PARP4: variants seen among roughly 807,000 people sequenced by gnomAD.
PARP4 encodes protein mono-ADP-ribosyltransferase PARP4.
A neutral mutation model predicts 187.7 loss-of-function variants in PARP4; 120 were observed. The observed-to-expected ratio is 0.64, with a 90% CI of 0.55 to 0.74. The LOEUF is 0.74. Among genes scored for constraint, PARP4 ranks in the 30% least tolerant of loss-of-function variants. PARP4 has a pLI of 0.00. For synonymous variants in PARP4, 654 were observed against 740.9 expected (o/e 0.88, Z 1.90); for missense variants, 1,836 against 2,070.5 (o/e 0.89, Z 2.20).
At chr13:24,511,797 G>A (rs1027099960) in intron 1 of PARP4, among the ~76,000 whole-genome samples, 1 of 152,164 alleles carries the variant, frequency 6.6e-6, no homozygotes, top group African/African-American at 2.4e-5. Flanking sequence ...TTAAAGCCCA[G>A]GATTACAGAA....
At chr13:24,446,288 G>A (rs1354190881) in intron 27 of PARP4, among the ~76,000 whole-genome samples, 1 of 152,156 alleles carries the variant, frequency 6.6e-6, no homozygotes, top group Admixed American at 6.5e-5. Context: ...CCCAGATGAA[G>A]AAGTGCTGCA....
chr13:24,501,231 T>C (rs1054888444), intron 3 of PARP4, among the ~76,000 whole-genome samples: 2 of 152,254 alleles, frequency 1.3e-5, no homozygotes, highest in Admixed American at 6.5e-5. Flanking sequence ...TCTTGGCTTA[T>C]AAAGAAAATA....
chr13:24,472,744 C>G (rs1011690567), intron 15 of PARP4, among the ~76,000 whole-genome samples: 1 of 152,122 alleles, frequency 6.6e-6, no homozygotes, highest in Non-Finnish European at 1.5e-5. Context: ...TGGCTGCGGC[C>G]CCAGCACCCG....
intron 33 of PARP4, among the ~76,000 whole-genome samples, chr13:24,426,248 A>C (rs1045640646): frequency 6.6e-6 from 1 of 152,062 alleles, no homozygotes; most frequent in African/African-American, 2.4e-5. Flanking sequence ...AGCTGCACTG[A>C]AACTCTTTGA....
At chr13:24,453,433 T>A (rs553790821) in intron 23 of PARP4, among the ~76,000 whole-genome samples, 154 bp downstream of exon 23, 1 of 152,216 alleles carries the variant, frequency 6.6e-6, no homozygotes, top group East Asian at 1.9e-4. Flanking sequence ...TAATGAGTTA[T>A]CATTTTAATT....
chr13:24,447,305 C>T (rs2137461989), intron 25 of PARP4, 119 bp from the exon 26 acceptor site: 1 of 572,284 alleles, frequency 1.7e-6, no homozygotes, highest in Non-Finnish European at 2.8e-6. Flanking sequence ...GGTATTTTCT[C>T]TCCTTCCTGC....
intron 17 of PARP4, among the ~76,000 whole-genome samples, chr13:24,468,400 C>CTTTT (rs140804702): frequency 2.5e-5 from 3 of 121,266 alleles, no homozygotes; most frequent in Admixed American, 8.7e-5. Flanking sequence ...TATCACACTC[C>CTTTT]TTTTTTTTTT....
rs1301998313 is a variant in PARP4 at position 24,465,505 on chromosome 13, C to A, written c.2133+3519G>T. On this transcript the variant is annotated intron_variant, in intron 17 of 33. Transcript: ENST00000381989. ...ATGAAGCTGGAAGCCATTATCCTCACAAACTAACACAGGAACAGAAAACTG... is the reference window on the plus strand; with the variant it reads ...ATGAAGCTGGAAGCCATTATCCTCAAAAACTAACACAGGAACAGAAAACTG... Among the ~76,000 whole-genome samples, 4 of 152,182 alleles carry A rather than the reference C, an allele frequency of 2.6e-5. No individual in the cohort carries two copies. In the East Asian group the frequency reaches 7.7e-4, roughly 29 times the overall value.
chr13:24,452,549 G>C lies in PARP4; in HGVS notation c.2871C>G (p.Leu957=), dbSNP rs1203169824. Residue 957 remains leucine, a synonymous_variant, in exon 24 of 34, where the codon CTC becomes CTG. Coordinates refer to ENST00000381989, the MANE Select transcript of PARP4 (RefSeq NM_006437.4). ...TMGNTDFWKT[L]RYLSLLYPAR... ...CAGGGTACAATAAGCTAAGATATCG[G>C]AGTGTTTTCCAGAAGTCTGTGTTCC... 5 of 1,613,970 alleles carry C rather than the reference G, an allele frequency of 3.1e-6. No individual in the cohort carries two copies. The highest frequency in any genetic ancestry group is 1.3e-5 in the African/African-American group (1 of 74,928).
intron 1 of PARP4, among the ~76,000 whole-genome samples, chr13:24,505,512 G>C (rs1197148057): frequency 6.6e-6 from 1 of 151,960 alleles, no homozygotes; most frequent in Non-Finnish European, 1.5e-5. Context: ...GCGGTCAAGT[G>C]GTTAGGAAGG....
chr13:24,484,554 A>C lies in PARP4; in HGVS notation c.1448+99T>G, dbSNP rs1331876152. On this transcript the variant is annotated intron_variant, in intron 12 of 33. Coordinates refer to ENST00000381989, the MANE Select transcript of PARP4 (RefSeq NM_006437.4). ...CATTGAGGTCATATATAATAGATAA[A>C]TCTGTGTTTTGGTTGAGAAACTCCC... The C allele has an allele frequency of 1.7e-5, 13 of 769,808 alleles. No homozygotes were observed. In the South Asian group the frequency reaches 2.0e-4, roughly 12 times the overall value. 47.7% of individuals were successfully genotyped at this position (769,808 alleles called of 1,614,324 possible).
intron 14 of PARP4, among the ~76,000 whole-genome samples, chr13:24,476,061 A>G (rs1203548916): frequency 4.6e-5 from 7 of 151,884 alleles, no homozygotes; most frequent in African/African-American, 1.7e-4. Context: ...TGCTGGGACT[A>G]TGGGCGTGAG....
At position 24,469,952 on chromosome 13, in the gene PARP4, T is replaced by A; in HGVS notation, c.1988A>T (p.Asp663Val). 6.2e-7 allele frequency: 1 copy of A among 1,613,912 alleles called. No individual in the cohort carries two copies. The highest frequency in any genetic ancestry group is 8.5e-7 in the Non-Finnish European group (1 of 1,179,830). The change falls in exon 16 of 34, where the codon GAC becomes GTC. Residue 663 changes from aspartate to valine, a missense_variant. Transcript: ENST00000381989. ...TTCGAAGCCACACACAGCGGCCTTG[T>A]CATCCAAAGGAAAGATATATTTTGC... The part of the protein sequence containing the change: ...IEAKYIFPLD[D>V]KAAVCGFEAF...
chr13:24,506,043 G>A (rs972598450), intron 1 of PARP4, among the ~76,000 whole-genome samples: 3 of 152,206 alleles, frequency 2.0e-5, no homozygotes, highest in Non-Finnish European at 2.9e-5. Flanking sequence ...CTAGTGCTGT[G>A]TCTGGAATTT....
rs1342235936 is a variant in PARP4 at position 24,492,519 on chromosome 13, T to G, written c.955A>C (p.Lys319Gln). The change falls in exon 9 of 34, where the codon AAG (lysine) becomes CAG (glutamine). Residue 319 changes from lysine to glutamine, a missense_variant. Around this residue, in one of 8 missense-constraint regions of PARP4, gnomAD observed 1,147 missense variants for 1,214.2 expected, o/e 0.94. Transcript: ENST00000381989. ...AGTCTGTAAAACTCTGTCATCATCT[T>G]TTGCAATTGCTCTGCTGTTTCTCCA... Reference protein sequence around the residue: ...KNGETAEQLQKMMTEFYRLIP... With the variant: ...KNGETAEQLQQMMTEFYRLIP... The G allele has an allele frequency of 6.2e-7, 1 of 1,614,064 alleles. No homozygotes were observed. Among genetic ancestry groups the G allele is most frequent in the East Asian group, 2.2e-5 (1 of 44,878 alleles).
chr13:24,430,960 T>C (rs1220065560), intron 32 of PARP4, among the ~76,000 whole-genome samples: 1 of 152,200 alleles, frequency 6.6e-6, no homozygotes. Context: ...TTTGTTCTTC[T>C]CTCTTACCAG....
At chr13:24,467,224 G>A (rs1001213423) in intron 17 of PARP4, among the ~76,000 whole-genome samples, 4 of 152,204 alleles carry the variant, frequency 2.6e-5, no homozygotes, top group Admixed American at 6.5e-5. Flanking sequence ...CCTTGGTTTC[G>A]GCACCACAAT....
Position 24,494,874 on chromosome 13 carries a change from T to G in PARP4, c.592-152A>C, listed in dbSNP as rs929941573. On this transcript the variant is annotated intron_variant, in intron 6 of 33. Transcript: ENST00000381989. ...TAAATTTTAAATTCTTTTTCTTTTC[T>G]TTTTCTTTTTTTTTTGAGACAGGGT... The G allele has an allele frequency of 4.6e-5, 24 of 526,210 alleles. No individual in the cohort carries two copies. The African/African-American group carries it at 4.7e-4, about 10-fold the overall frequency. 32.6% of individuals were successfully genotyped at this position (526,210 alleles called of 1,614,324 possible).
At chr13:24,461,604 G>A (rs528214096) in intron 17 of PARP4, among the ~76,000 whole-genome samples, 173 of 152,246 alleles carry the variant, frequency 1.1e-3, no homozygotes, top group African/African-American at 3.9e-3. Context: ...GCATTCTCTT[G>A]CAGGCGTTTC....
Sources: allele counts gnomAD v4.1 joint callset (sites outside exome capture counted in the v4.1 genomes callset), GRCh38; gene constraint gnomAD v4.1.1; regional missense constraint gnomAD v4.1.1; transcripts MANE v1.5; gene names NCBI Gene and HGNC (gene_info 2026-07-23, HGNC 2026-07-21).